MTPAP: variants seen among roughly 807,000 people sequenced by gnomAD.
The protein encoded by MTPAP is poly(A) RNA polymerase, mitochondrial.
In MTPAP, 23 loss-of-function variants were observed where a neutral mutation model predicts 48.7. That is an observed-to-expected ratio of 0.47 (90% CI 0.34 to 0.67). The LOEUF (loss-of-function observed/expected upper bound fraction) is 0.67. Among genes scored for constraint, MTPAP ranks in the 30% least tolerant of loss-of-function variants. MTPAP has a pLI of 0.01. For missense variants in MTPAP, 614 were observed against 694.3 expected (o/e 0.88, Z 1.30); for synonymous variants, 257 against 254.1 (o/e 1.01, Z -0.11).
intron 4 of MTPAP, among the ~76,000 whole-genome samples, chr10:30,335,825 G>A (rs1834724221): frequency 6.6e-6 from 1 of 151,912 alleles, no homozygotes; most frequent in African/African-American, 2.4e-5. Context: ...GCCTGACCAA[G>A]GAGGTAAAAC....
chr10:30,316,329 A>G, intron 6 of MTPAP, 119 bp from the exon 7 acceptor site: 1 of 778,350 alleles, frequency 1.3e-6, no homozygotes, highest in Non-Finnish European at 2.2e-6. Context: ...TGCAGCCTCC[A>G]CCTCCCAGGT....
At chr10:30,327,756 G>C (rs1381075715) in intron 4 of MTPAP, among the ~76,000 whole-genome samples, 1 of 149,848 alleles carries the variant, frequency 6.7e-6, no homozygotes, top group Non-Finnish European at 1.5e-5. Context: ...TGAGGCAAGA[G>C]AATCACTTGA....
At chr10:30,331,866 T>C (rs2247081) in intron 4 of MTPAP, among the ~76,000 whole-genome samples, 128,394 of 152,302 alleles carry the variant, frequency 0.84, 54,277 homozygotes, top group East Asian at 0.89. Context: ...CACGCCTAGC[T>C]GTAAGTAACT....
chr10:30,345,864 T>C (rs1197741616), intron 1 of MTPAP, among the ~76,000 whole-genome samples: 1 of 152,002 alleles, frequency 6.6e-6, no homozygotes, highest in East Asian at 1.9e-4. Flanking sequence ...CTGGCCAACA[T>C]AGTGAAATCC....
chr10:30,341,543 T>C lies in MTPAP; in HGVS notation c.255A>G (p.Lys85=), dbSNP rs142774512. Reference sequence around the variant, plus strand: ...ATTTAAGAAACTTGTTTTCACTGATTTTCTCTGGGCAATGTATTAAAACAG... The same window carrying C: ...ATTTAAGAAACTTGTTTTCACTGATCTTCTCTGGGCAATGTATTAAAACAG... The part of the protein sequence containing the change: ...QRTVLIHCPE[K]ISENKFLKYL... Residue 85 remains lysine, a synonymous_variant, in exon 2 of 9, where the codon AAA becomes AAG. Coordinates refer to ENST00000263063, the MANE Select transcript of MTPAP (RefSeq NM_018109.4). 2.5e-6 allele frequency: 4 copies of C among 1,614,018 alleles called. No homozygotes were observed. Among genetic ancestry groups the C allele is most frequent in the African/African-American group, 1.3e-5 (1 of 74,952 alleles).
chr10:30,318,994 G>T (rs1332714341), intron 6 of MTPAP, among the ~76,000 whole-genome samples: 1 of 151,724 alleles, frequency 6.6e-6, no homozygotes, highest in African/African-American at 2.4e-5. Flanking sequence ...TAACAGATGA[G>T]ATCCTGTACT....
At chr10:30,348,415 T>A (rs1221810841) in intron 1 of MTPAP, among the ~76,000 whole-genome samples, 1 of 152,236 alleles carries the variant, frequency 6.6e-6, no homozygotes, top group Non-Finnish European at 1.5e-5. Flanking sequence ...ATTTTCTACA[T>A]CTGTAAAATG....
At chr10:30,344,797 A>G (rs2262183) in intron 1 of MTPAP, among the ~76,000 whole-genome samples, 128,114 of 152,032 alleles carry the variant, frequency 0.84, 54,141 homozygotes, top group East Asian at 0.89. Flanking sequence ...CTCCACCTCC[A>G]GGGTTCAAGC....
Position 30,341,629 on chromosome 10 carries a change from T to A in MTPAP, c.169A>T (p.Lys57Ter). ...SGSVETGFED[K>*]IPKRRFSEMQ... ...TCAGAGAATCTCCTTTTGGGAATCT[T>A]GTCTTCAAAGCCTATGAACGAGACA... is the stretch of plus-strand genomic sequence containing the variant. Residue 57 changes from lysine to a stop codon, truncating the protein, a stop_gained, in exon 2 of 9, where the codon AAG (lysine) becomes TAG (stop). Transcript: ENST00000263063. LOFTEE classifies it high-confidence loss of function. 2 of 1,614,074 alleles carry A rather than the reference T, an allele frequency of 1.2e-6. No homozygotes were observed. The highest frequency in any genetic ancestry group is 1.7e-6 in the Non-Finnish European group (2 of 1,180,014).
intron 4 of MTPAP, among the ~76,000 whole-genome samples, chr10:30,332,174 C>T (rs191622685): frequency 2.2e-3 from 330 of 152,212 alleles, no homozygotes; most frequent in African/African-American, 7.5e-3. Flanking sequence ...AATATTTTTA[C>T]TAGCAAAGCT....
intron 4 of MTPAP, among the ~76,000 whole-genome samples, chr10:30,327,542 A>C (rs1304003264): frequency 3.6e-5 from 5 of 137,376 alleles, no homozygotes; most frequent in African/African-American, 1.3e-4. Flanking sequence ...AAATAAATAA[A>C]TTACTAAAAC....
At chr10:30,334,977 G>C (rs758520650) in intron 4 of MTPAP, among the ~76,000 whole-genome samples, 8 of 152,198 alleles carry the variant, frequency 5.3e-5, no homozygotes, top group Non-Finnish European at 8.8e-5. Context: ...AGAATTAAAA[G>C]AATGGTTAGC....
At chr10:30,346,170 C>T (rs1354079097) in intron 1 of MTPAP, among the ~76,000 whole-genome samples, 2 of 151,956 alleles carry the variant, frequency 1.3e-5, no homozygotes, top group African/African-American at 4.8e-5. Flanking sequence ...AAGTCTGATG[C>T]ATCATAGGAA....
chr10:30,321,338 G>T (rs1840723040), intron 6 of MTPAP, among the ~76,000 whole-genome samples: 2 of 152,178 alleles, frequency 1.3e-5, no homozygotes, highest in Non-Finnish European at 2.9e-5. Context: ...GTAACTGGTT[G>T]TGATCAATTA....
chr10:30,340,133 AAAC>A, intron 3 of MTPAP, 90 bp downstream of exon 3: 1 of 1,098,600 alleles, frequency 9.1e-7, no homozygotes, highest in East Asian at 2.6e-5. Flanking sequence ...TATACCCATT[AAAC>A]AATAATGTAG....
chr10:30,322,734 A>ATAT, intron 5 of MTPAP, 117 bp from the exon 6 acceptor site: 1 of 739,918 alleles, frequency 1.4e-6, no homozygotes, highest in Non-Finnish European at 2.3e-6. Context: ...ATGTATTCAG[A>ATAT]ACATCATTAG....
rs561056504 is a variant in MTPAP at position 30,311,962 on chromosome 10, C to T, written c.*1647G>A. On this transcript the variant is annotated 3_prime_UTR_variant, in exon 9 of 9. Transcript: ENST00000263063. ...AGGAGTTCGAGATCAGCCTGGCCAA[C>T]ATGGTGAAACCCTGTCCCTACTAAA... is the stretch of plus-strand genomic sequence containing the variant. 5.2e-5 allele frequency: 8 copies of T among 152,424 alleles called. No individual in the cohort carries two copies. Among genetic ancestry groups the T allele is most frequent in the Admixed American group, 2.0e-4 (3 of 15,304 alleles). The allele number at this position is 152,424 out of a possible 1,614,324, so 9.4% of individuals were successfully genotyped here.
chr10:30,336,436 C>A (rs1357968013), intron 4 of MTPAP, among the ~76,000 whole-genome samples: 1 of 151,920 alleles, frequency 6.6e-6, no homozygotes, highest in Non-Finnish European at 1.5e-5. Context: ...ATTAACAAAA[C>A]CAAGAATCAT....
chr10:30,329,186 T>G (rs1834634784), intron 4 of MTPAP, among the ~76,000 whole-genome samples: 1 of 151,682 alleles, frequency 6.6e-6, no homozygotes, highest in Non-Finnish European at 1.5e-5. Context: ...AGGCCAAGGT[T>G]GCAGTGAGCC....
Sources: gnomAD v4.1 joint callset for allele counts (sites outside exome capture counted in the v4.1 genomes callset) on GRCh38, gnomAD v4.1.1 for gene constraint, MANE v1.5 for transcripts, NCBI Gene and HGNC (gene_info 2026-07-23, HGNC 2026-07-21) for gene names.